GCNT1: variants seen among roughly 807,000 people sequenced by gnomAD.
GCNT1 encodes glucosaminyl (N-acetyl) transferase 1.
In GCNT1, 16 loss-of-function variants were observed where a neutral mutation model predicts 26.2. The ratio of observed to expected loss-of-function variants is 0.61; its 90% confidence interval spans 0.41 to 0.93. The LOEUF is 0.93. Ranked by LOEUF, GCNT1 falls within the 40% of genes least tolerant of loss-of-function variation. The pLI, the probability that GCNT1 is intolerant of heterozygous loss-of-function variation, is 0.00. For missense variants in GCNT1, 477 were observed against 526.7 expected, an observed-to-expected ratio of 0.91 and a Z score of 0.92; for synonymous variants, 183 against 190.8, an observed-to-expected ratio of 0.96 and a Z score of 0.34.
rs915202723 is a variant in GCNT1 at position 76,506,035 on chromosome 9, T to C, written c.*2367T>C. 7.2e-5 allele frequency: 12 copies of C among 167,102 alleles called. No individual in the cohort carries two copies. The highest frequency in any genetic ancestry group is 2.7e-4 in the African/African-American group (11 of 41,472). 10.4% of individuals were successfully genotyped at this position (167,102 alleles called of 1,614,324 possible). A position where few individuals can be genotyped will look rare whatever the true frequency, so the allele number is the denominator to read the frequency against. ...ACGATCCATTCATTGGGGCTCAAAGTATCTTTTAGACTTTTAAGGACAATT... is the reference window on the plus strand; with the variant it reads ...ACGATCCATTCATTGGGGCTCAAAGCATCTTTTAGACTTTTAAGGACAATT... On this transcript the variant is annotated 3_prime_UTR_variant, in exon 4 of 4. Coordinates refer to ENST00000376730, the MANE Select transcript of GCNT1 (RefSeq NM_001490.5).
chr9:76,449,213 G>T (rs1823624827), intron 1 of GCNT1, among the ~76,000 whole-genome samples: 1 of 151,672 alleles, frequency 6.6e-6, no homozygotes. Flanking sequence ...TGTACCTGTA[G>T]TCCTAGCTAC....
intron 1 of GCNT1, among the ~76,000 whole-genome samples, chr9:76,453,457 C>T (rs1292693088): frequency 6.6e-6 from 1 of 152,122 alleles, no homozygotes; most frequent in South Asian, 2.1e-4. Context: ...TCTAGGTTAC[C>T]TTTAGTAAAT....
At chr9:76,502,201 A>T (rs181795064) in intron 3 of GCNT1, 38 bp from the exon 4 acceptor site, 129 of 183,992 alleles carry the variant, frequency 7.0e-4, no homozygotes, top group Middle Eastern at 2.0e-3. Context: ...ATATATATAT[A>T]TATTTATTTA....
At chr9:76,473,111 G>T (rs576638970) in intron 2 of GCNT1, among the ~76,000 whole-genome samples, 64 of 152,214 alleles carry the variant, frequency 4.2e-4, no homozygotes, top group African/African-American at 1.4e-3. Flanking sequence ...TCCACCCCTA[G>T]CCTGAAGACC....
chr9:76,459,844 C>T (rs1356512410), intron 1 of GCNT1, among the ~76,000 whole-genome samples: 4 of 152,180 alleles, frequency 2.6e-5, no homozygotes, highest in Admixed American at 2.0e-4. Flanking sequence ...CTCTCCTTTC[C>T]TGCTCCCTCG....
At chr9:76,491,475 A>G (rs1410955760) in intron 2 of GCNT1, among the ~76,000 whole-genome samples, 1 of 152,128 alleles carries the variant, frequency 6.6e-6, no homozygotes, top group African/African-American at 2.4e-5. Flanking sequence ...GTAGGATTAG[A>G]TAAGCATACT....
chr9:76,476,513 T>G (rs1824255962), intron 2 of GCNT1, among the ~76,000 whole-genome samples: 1 of 152,022 alleles, frequency 6.6e-6, no homozygotes, highest in Admixed American at 6.6e-5. Flanking sequence ...ATTCTCATTT[T>G]TGGCCTGCAA....
intron 2 of GCNT1, among the ~76,000 whole-genome samples, chr9:76,469,559 C>G (rs1157878238): frequency 6.6e-6 from 1 of 152,136 alleles, no homozygotes; most frequent in Non-Finnish European, 1.5e-5. Context: ...CAACTGCACT[C>G]TCTTCTGGTC....
chr9:76,490,217 A>G (rs1412667624), intron 2 of GCNT1, among the ~76,000 whole-genome samples: 1 of 152,164 alleles, frequency 6.6e-6, no homozygotes, highest in Admixed American at 6.5e-5. Flanking sequence ...TTTCCCTAAG[A>G]AGGTGCAAAG....
At chr9:76,454,338 C>T (rs1823716395), upstream of GCNT1, among the ~76,000 whole-genome samples, 1 of 129,234 alleles carries the variant, frequency 7.7e-6, no homozygotes, top group Admixed American at 9.1e-5. Flanking sequence ...ATTGCACCAC[C>T]ATTGTACTCC....
the GCNT1 span, among the ~76,000 whole-genome samples, chr9:76,402,260 A>T: frequency 4.2e-4 from 64 of 152,280 alleles, no homozygotes; most frequent in East Asian, 0.012. Context: ...TTTTTGGTTA[A>T]CACATCCAGT....
chr9:76,487,029 G>T (rs1438578772), intron 2 of GCNT1, among the ~76,000 whole-genome samples: 1 of 152,210 alleles, frequency 6.6e-6, no homozygotes, highest in African/African-American at 2.4e-5. Flanking sequence ...TTCAGTGTGA[G>T]ACCACAGAGG....
chr9:76,457,358 C>T (rs1194540347), upstream of GCNT1, among the ~76,000 whole-genome samples: 1 of 152,258 alleles, frequency 6.6e-6, no homozygotes, highest in East Asian at 1.9e-4. Context: ...AAGCGATTCT[C>T]ATGCCTCAGC....
chr9:76,435,408 C>T (rs1564222943), intron 1 of GCNT1, among the ~76,000 whole-genome samples: 1 of 152,182 alleles, frequency 6.6e-6, no homozygotes, highest in African/African-American at 2.4e-5. Flanking sequence ...CCAAATTCAG[C>T]CTCAAGAAGA....
intron 2 of GCNT1, among the ~76,000 whole-genome samples, chr9:76,465,124 A>G (rs1415551651): frequency 1.3e-5 from 2 of 151,202 alleles, no homozygotes; most frequent in Non-Finnish European, 1.5e-5. Context: ...CTGGGACTGC[A>G]TAGGCCCTGC....
intron 1 of GCNT1, among the ~76,000 whole-genome samples, chr9:76,427,417 C>T (rs149615183): frequency 0.031 from 4,744 of 152,116 alleles, 98 homozygotes; most frequent in Non-Finnish European, 0.048. Flanking sequence ...TGGGCTCAAG[C>T]GATCTGCCCG....
upstream of GCNT1, chr9:76,441,596 A>G (rs1823484645): frequency 1.3e-5 from 2 of 152,270 alleles, no homozygotes; most frequent in Non-Finnish European, 2.9e-5. Flanking sequence ...TAAATGGGCT[A>G]TATTTTCATC....
chr9:76,460,983 T>C (rs1451940513), intron 2 of GCNT1, among the ~76,000 whole-genome samples: 1 of 152,224 alleles, frequency 6.6e-6, no homozygotes, highest in Non-Finnish European at 1.5e-5. Flanking sequence ...TTTCCGTTTG[T>C]AATTGAATTG....
the GCNT1 span, among the ~76,000 whole-genome samples, chr9:76,407,603 C>CT: frequency 6.6e-6 from 1 of 152,158 alleles, no homozygotes; most frequent in Non-Finnish European, 1.5e-5. Flanking sequence ...TATTCTGGGT[C>CT]TTTTGTGTCT....
Sources: allele counts gnomAD v4.1 joint callset (sites outside exome capture counted in the v4.1 genomes callset), GRCh38; gene constraint gnomAD v4.1.1; transcripts MANE v1.5; gene names NCBI Gene and HGNC (gene_info 2026-07-23, HGNC 2026-07-21).